The following RIT2 variants were observed in gnomAD, a reference collection of about 807,000 sequenced individuals.
RIT2 encodes the protein Ras like without CAAX 2, also known as GTP-binding protein Rit2.
In RIT2, 24 loss-of-function variants were observed where a neutral mutation model predicts 23.7. The ratio of observed to expected loss-of-function variants is 1.01; its 90% confidence interval spans 0.73 to 1.43. RIT2 has a LOEUF of 1.43. RIT2 is among the 40% of genes most tolerant of loss of function. RIT2 has a pLI of 0.00. For synonymous variants in RIT2, 107 were observed against 91.1 expected (o/e 1.17, Z -0.99); for missense variants, 236 against 266.9 (o/e 0.88, Z 0.81).
At chr18:42,952,737 A>T (rs937565994) in intron 3 of RIT2, among the ~76,000 whole-genome samples, 2 of 152,118 alleles carry the variant, frequency 1.3e-5, no homozygotes, top group African/African-American at 4.8e-5. Context: ...GAAATAAAAA[A>T]ATATACTACA....
chr18:42,952,441 A>G (rs2144174614), intron 3 of RIT2, among the ~76,000 whole-genome samples: 1 of 152,242 alleles, frequency 6.6e-6, no homozygotes, highest in South Asian at 2.1e-4. Context: ...TCATGAATAA[A>G]TCCTAGGGAT....
intron 4 of RIT2, among the ~76,000 whole-genome samples, chr18:42,755,496 C>T (rs1340982739): frequency 6.6e-6 from 1 of 152,164 alleles, no homozygotes; most frequent in Non-Finnish European, 1.5e-5. Context: ...AAAGCATTCT[C>T]ACACATCCCC....
At chr18:42,831,711 C>A (rs1216047727) in intron 4 of RIT2, among the ~76,000 whole-genome samples, 2 of 152,228 alleles carry the variant, frequency 1.3e-5, no homozygotes, top group Admixed American at 6.5e-5. Context: ...CTAATTCTTG[C>A]AGGTATGGAA....
intron 1 of RIT2, among the ~76,000 whole-genome samples, chr18:43,046,811 A>G (rs1412151823): frequency 6.6e-6 from 1 of 152,216 alleles, no homozygotes; most frequent in African/African-American, 2.4e-5. Flanking sequence ...CAGATAGACA[A>G]ATGCAATTGT....
At chr18:43,056,101 C>A (rs1163382548) in intron 1 of RIT2, among the ~76,000 whole-genome samples, 2 of 152,024 alleles carry the variant, frequency 1.3e-5, no homozygotes, top group Non-Finnish European at 2.9e-5. Flanking sequence ...TAAGTGAGGG[C>A]ATATAAATAA....
intron 4 of RIT2, among the ~76,000 whole-genome samples, chr18:42,850,267 A>T (rs957809929): frequency 6.6e-6 from 1 of 152,208 alleles, no homozygotes; most frequent in Non-Finnish European, 1.5e-5. Context: ...TCAGTTAACA[A>T]CTGGACAGAA....
chr18:42,987,043 G>A (rs1910726917), intron 2 of RIT2, among the ~76,000 whole-genome samples: 1 of 152,116 alleles, frequency 6.6e-6, no homozygotes, highest in South Asian at 2.1e-4. Context: ...AACCAGTTTA[G>A]AAACTGTTTG....
chr18:43,053,127 AT>A (rs775626125), intron 1 of RIT2, among the ~76,000 whole-genome samples: 2 of 152,006 alleles, frequency 1.3e-5, no homozygotes, highest in South Asian at 2.1e-4. Flanking sequence ...GGGTACCAGG[AT>A]TTAAATTGCA....
At chr18:43,052,590 G>T (rs1912408364) in intron 1 of RIT2, among the ~76,000 whole-genome samples, 1 of 151,992 alleles carries the variant, frequency 6.6e-6, no homozygotes, top group South Asian at 2.1e-4. Flanking sequence ...GAACGAAAAA[G>T]TCCAGGGGCT....
chr18:42,760,935 G>T (rs1303445605), intron 4 of RIT2, among the ~76,000 whole-genome samples: 1 of 152,156 alleles, frequency 6.6e-6, no homozygotes, highest in Non-Finnish European at 1.5e-5. Context: ...TTCTAATATA[G>T]TTGACTTTAT....
chr18:42,912,446 T>C (rs1388504364), intron 4 of RIT2, among the ~76,000 whole-genome samples: 2 of 151,818 alleles, frequency 1.3e-5, no homozygotes, highest in Non-Finnish European at 2.9e-5. Context: ...GGAATGGAAA[T>C]TAAAGATACA....
At chr18:43,036,277 C>T (rs1465181984) in intron 1 of RIT2, among the ~76,000 whole-genome samples, 1 of 152,178 alleles carries the variant, frequency 6.6e-6, no homozygotes, top group East Asian at 1.9e-4. Flanking sequence ...CAGTGGCTCA[C>T]GCCTGTAATC....
intron 4 of RIT2, among the ~76,000 whole-genome samples, chr18:42,918,942 T>G (rs1908984036): frequency 6.6e-6 from 1 of 152,184 alleles, no homozygotes; most frequent in South Asian, 2.1e-4. Context: ...GCTACCCACA[T>G]GGGTCTCTCC....
chr18:43,051,716 C>T (rs1912388682), intron 1 of RIT2, among the ~76,000 whole-genome samples: 1 of 152,076 alleles, frequency 6.6e-6, no homozygotes, highest in African/African-American at 2.4e-5. Flanking sequence ...TAAGTACTTG[C>T]TATATGCATT....
At chr18:42,888,826 G>A (rs891721702) in intron 4 of RIT2, among the ~76,000 whole-genome samples, 1 of 152,090 alleles carries the variant, frequency 6.6e-6, no homozygotes, top group Non-Finnish European at 1.5e-5. Context: ...ACCAAAAACT[G>A]TATGTTCTCA....
At chr18:42,903,627 A>G (rs1908536538) in intron 4 of RIT2, among the ~76,000 whole-genome samples, 1 of 152,064 alleles carries the variant, frequency 6.6e-6, no homozygotes, top group African/African-American at 2.4e-5. Flanking sequence ...TCAATCCATG[A>G]CTGCTACCAC....
At position 42,743,347 on chromosome 18, in the gene RIT2, C is replaced by T; in HGVS notation, c.*146G>A. ...CAAAACAAAACTATCTCAAGAGGTA[C>T]AGATATGCAGAGCTTGCTTTTACCT... On this transcript the variant is annotated 3_prime_UTR_variant, in exon 5 of 5. Coordinates refer to ENST00000326695, the MANE Select transcript of RIT2 (RefSeq NM_002930.4). The T allele has an allele frequency of 1.6e-6, 1 of 638,982 alleles. No individual in the cohort carries two copies. Among genetic ancestry groups the T allele is most frequent in the Non-Finnish European group, 2.7e-6 (1 of 367,830 alleles). The allele number at this position is 638,982 out of a possible 1,614,324, so 39.6% of individuals were successfully genotyped here.
At chr18:42,815,932 C>T (rs1436044579) in intron 4 of RIT2, among the ~76,000 whole-genome samples, 2 of 152,112 alleles carry the variant, frequency 1.3e-5, no homozygotes, top group South Asian at 4.1e-4. Context: ...ATAGACTATA[C>T]ATGTTGAAAA....
intron 4 of RIT2, among the ~76,000 whole-genome samples, chr18:42,895,693 A>T (rs1051250271): frequency 2.0e-5 from 3 of 152,000 alleles, no homozygotes; most frequent in African/African-American, 7.3e-5. Context: ...ATTTTCACTC[A>T]AATTTTTGTG....
Sources: gnomAD v4.1 joint callset for allele counts (sites outside exome capture counted in the v4.1 genomes callset) on GRCh38, gnomAD v4.1.1 for gene constraint, MANE v1.5 for transcripts, NCBI Gene and HGNC (gene_info 2026-07-23, HGNC 2026-07-21) for gene names.